GRID2: variants seen among roughly 807,000 people sequenced by gnomAD.
GRID2 encodes the protein glutamate ionotropic receptor delta type subunit 2.
A neutral mutation model predicts 114.8 loss-of-function variants in GRID2; 33 were observed. The ratio of observed to expected loss-of-function variants is 0.29; its 90% CI spans 0.22 to 0.38. GRID2 has a LOEUF of 0.38. Among genes scored for constraint, GRID2 ranks in the 10% least tolerant of loss-of-function variants. GRID2 has a pLI of 1.00. For missense variants in GRID2, 1,184 were observed against 1,257.7 expected (o/e 0.94, Z 0.89); for synonymous variants, 505 against 449.9 (o/e 1.12, Z -1.55).
intron 8 of GRID2, among the ~76,000 whole-genome samples, chr4:93,314,205 T>TGA (rs750986135): frequency 2.7e-5 from 4 of 147,148 alleles, no homozygotes; most frequent in Non-Finnish European, 5.9e-5. Flanking sequence ...CTCAGGAGGC[T>TGA]GAGGCAGGAT....
intron 1 of GRID2, among the ~76,000 whole-genome samples, chr4:92,464,757 A>G (rs1254365952): frequency 1.3e-5 from 2 of 152,150 alleles, no homozygotes; most frequent in Admixed American, 6.6e-5. Context: ...AGGATTTATA[A>G]AAGATAGCAA....
intron 4 of GRID2, among the ~76,000 whole-genome samples, chr4:93,180,221 C>T (rs545506274): frequency 1.3e-5 from 2 of 152,106 alleles, no homozygotes; most frequent in Non-Finnish European, 2.9e-5. Flanking sequence ...TGTCTCCAAA[C>T]CAGAACAAAT....
At chr4:93,683,024 C>G (rs921888285) in intron 14 of GRID2, among the ~76,000 whole-genome samples, 9 of 151,644 alleles carry the variant, frequency 5.9e-5, no homozygotes, top group African/African-American at 2.2e-4. Flanking sequence ...AAATATGATT[C>G]AATATATCTT....
rs768618901 is a variant in GRID2, at chr4:93,224,606, C to A, written c.964-8C>A. On this transcript the variant is annotated splice_polypyrimidine_tract_variant and splice_region_variant and intron_variant, in intron 6 of 15. Transcript: ENST00000282020. ...GATTCTAATGATCACTTTCTAATGT[C>A]TTTTCAGATTTCCAACCTTTACATA... 1.9e-6 allele frequency: 3 copies of A among 1,588,218 alleles called. No individual in the cohort carries two copies. The highest frequency in any genetic ancestry group is 1.1e-5 in the South Asian group (1 of 90,306).
At chr4:93,050,299 A>G (rs1037437612) in intron 2 of GRID2, among the ~76,000 whole-genome samples, 10 of 152,060 alleles carry the variant, frequency 6.6e-5, no homozygotes, top group African/African-American at 2.4e-4. Context: ...TTTATTTTTA[A>G]TTAAAGCTGC....
chr4:92,479,498 G>T (rs13101448), intron 1 of GRID2, among the ~76,000 whole-genome samples: 1 of 152,000 alleles, frequency 6.6e-6, no homozygotes, highest in South Asian at 2.1e-4. Context: ...CAATACCTCC[G>T]TATTGTTCTG....
intron 2 of GRID2, among the ~76,000 whole-genome samples, chr4:92,706,302 C>T (rs566504387): frequency 1.8e-4 from 27 of 152,088 alleles, no homozygotes; most frequent in East Asian, 1.3e-3. Context: ...AGATTGTCAA[C>T]GGTTTAATGA....
chr4:93,307,401 T>G (rs1274645792), intron 8 of GRID2, among the ~76,000 whole-genome samples: 1 of 152,112 alleles, frequency 6.6e-6, no homozygotes, highest in Admixed American at 6.5e-5. Flanking sequence ...TCGTCATTTT[T>G]TTTTTCCTTT....
chr4:92,392,676 A>C (rs549304853), intron 1 of GRID2, among the ~76,000 whole-genome samples: 3 of 152,152 alleles, frequency 2.0e-5, no homozygotes, highest in Non-Finnish European at 4.4e-5. Context: ...AATTATGAAA[A>C]TTAGAAAAAT....
At chr4:93,105,609 G>T (rs1039301028) in intron 3 of GRID2, among the ~76,000 whole-genome samples, 1 of 152,080 alleles carries the variant, frequency 6.6e-6, no homozygotes, top group Non-Finnish European at 1.5e-5. Flanking sequence ...GTGTTCTCTG[G>T]TGGCTCTAGG....
intron 14 of GRID2, among the ~76,000 whole-genome samples, chr4:93,708,607 T>A (rs1261295460): frequency 1.3e-5 from 2 of 152,046 alleles, no homozygotes; most frequent in Non-Finnish European, 2.9e-5. Flanking sequence ...AATGTTGTTT[T>A]TTTAATCTAT....
chr4:92,937,868 T>C lies in GRID2; in HGVS notation c.245-147127T>C, dbSNP rs1750782795. On this transcript the variant is annotated intron_variant, in intron 2 of 15. Coordinates refer to ENST00000282020, the MANE Select transcript of GRID2 (RefSeq NM_001510.4). ...TTTGGCTGATTACTCTGACTAGAAC[T>C]TTCAGTACCAATGTTAAAGCACAAG... Among the ~76,000 whole-genome samples the C allele has an allele frequency of 1.4e-5, 2 of 146,702 alleles. 1 individual carries two copies. Among genetic ancestry groups the C allele is most frequent in the Non-Finnish European group, 3.0e-5 (2 of 66,222 alleles).
intron 2 of GRID2, among the ~76,000 whole-genome samples, chr4:92,978,934 G>A (rs1188802519): frequency 1.3e-5 from 2 of 151,898 alleles, no homozygotes; most frequent in African/African-American, 4.8e-5. Context: ...GAGGTGGGAG[G>A]ATCACTTGAG....
intron 12 of GRID2, among the ~76,000 whole-genome samples, chr4:93,513,392 T>G (rs565442165): frequency 1.3e-5 from 2 of 152,202 alleles, no homozygotes; most frequent in African/African-American, 4.8e-5. Flanking sequence ...AATTGCTCTC[T>G]TGAAACAAAA....
In GRID2 at chr4:93,490,772, C is replaced by T. The variant is rs1726917810; in HGVS notation, c.1992C>T (p.Ser664=). The T allele has an allele frequency of 1.9e-6, 3 of 1,605,486 alleles. No homozygotes were observed. The highest frequency in any genetic ancestry group is 2.6e-6 in the Non-Finnish European group (3 of 1,174,272). ...TCACTATTACACGCATTGAAAGTTC[C>T]ATCCAGTAAGTAAACAATGTTTCCA... ...AFLTITRIES[S]IQSLQDLSKQ... is the part of the protein sequence containing the mutation. The change falls in exon 12 of 16, where the codon TCC becomes TCT. Residue 664 remains serine (S), a synonymous_variant. Transcript: ENST00000282020.
intron 11 of GRID2, among the ~76,000 whole-genome samples, chr4:93,460,668 G>A (rs944864060): frequency 6.6e-6 from 1 of 151,652 alleles, no homozygotes; most frequent in Non-Finnish European, 1.5e-5. Flanking sequence ...ATAGTTAAGT[G>A]CCTTGTACAT....
intron 11 of GRID2, among the ~76,000 whole-genome samples, chr4:93,489,619 G>A (rs1264488479): frequency 6.6e-6 from 1 of 151,854 alleles, no homozygotes; most frequent in Non-Finnish European, 1.5e-5. Context: ...AGTCAAAGAT[G>A]TCATCTTTGA....
intron 2 of GRID2, among the ~76,000 whole-genome samples, chr4:92,663,622 A>G (rs890025858): frequency 2.0e-5 from 3 of 150,872 alleles, no homozygotes; most frequent in African/African-American, 7.3e-5. Context: ...CTTTTTTTCC[A>G]ATTCTTATTT....
At chr4:92,455,343 T>C (rs1721155524) in intron 1 of GRID2, among the ~76,000 whole-genome samples, 1 of 152,302 alleles carries the variant, frequency 6.6e-6, no homozygotes, top group East Asian at 1.9e-4. Context: ...AGGATTCTTA[T>C]ATTCAGAGAA....
Sources: gnomAD v4.1 joint callset for allele counts (sites outside exome capture counted in the v4.1 genomes callset) on GRCh38, gnomAD v4.1.1 for gene constraint, MANE v1.5 for transcripts, NCBI Gene and HGNC (gene_info 2026-07-23, HGNC 2026-07-21) for gene names.